TRIB2: variants seen among roughly 807,000 people sequenced by gnomAD.
The protein encoded by TRIB2 is tribbles pseudokinase 2.
A neutral mutation model predicts 26.8 loss-of-function variants in TRIB2; 2 were observed. That is an observed-to-expected ratio of 0.07 (90% confidence interval 0.03 to 0.24). The LOEUF is 0.24. TRIB2 is among the 10% of genes least tolerant of loss of function. The pLI is 1.00. For missense variants in TRIB2, 306 were observed against 449.0 expected (o/e 0.68, Z 2.88); for synonymous variants, 189 against 187.3 (o/e 1.01, Z -0.08).
chr2:12,729,112 A>G lies in TRIB2; in HGVS notation c.563+5560A>G, dbSNP rs13023023. Among the ~76,000 whole-genome samples the G allele has an allele frequency of 6.1e-3, 923 of 152,298 alleles. 1 individual carries two copies. The highest frequency in any genetic ancestry group is 9.4e-3 in the Non-Finnish European group (642 of 68,034). On this transcript the variant is annotated intron_variant, in intron 2 of 2. Transcript: ENST00000155926. ...AGAAACCCCTTTATGTACTTGAGGT[A>G]TTGCCAACCTTTGGGGAAGGCTGGC... is the stretch of plus-strand genomic sequence containing the variant.
intron 2 of TRIB2, among the ~76,000 whole-genome samples, chr2:12,728,673 CCG>C: frequency 1.3e-5 from 2 of 152,304 alleles, no homozygotes; most frequent in South Asian, 2.1e-4. Context: ...TTTGTGGAAG[CCG>C]GTCAGTACCC....
chr2:12,719,576 GTTTT>G (rs11431277), intron 1 of TRIB2, among the ~76,000 whole-genome samples: 1 of 138,390 alleles, frequency 7.2e-6, no homozygotes, highest in South Asian at 2.3e-4. Flanking sequence ...TTTGCTGACT[GTTTT>G]TTTTTTTTTT....
rs935170086 is a variant in TRIB2, at chr2:12,732,432, C to T, written c.564-7894C>T. ...TCCAGATTGTGTGGTGTTGTAAGGT[C>T]ACAAGAGGCATATTCTCTCCCTATA... On this transcript the variant is annotated intron_variant, in intron 2 of 2. Coordinates refer to ENST00000155926, the MANE Select transcript of TRIB2 (RefSeq NM_021643.4). This position sits in a 1 kb window ranked among gnomAD's most constrained non-coding sequence, Gnocchi z 4.2. Among the ~76,000 whole-genome samples, 7 of 152,174 alleles carry T rather than the reference C, an allele frequency of 4.6e-5. No individual in the cohort carries two copies. The highest frequency in any genetic ancestry group is 7.3e-5 in the Non-Finnish European group (5 of 68,034).
At chr2:12,725,205 T>G (rs1374055777) in intron 2 of TRIB2, among the ~76,000 whole-genome samples, 1 of 152,218 alleles carries the variant, frequency 6.6e-6, no homozygotes, top group East Asian at 1.9e-4. Flanking sequence ...AGTGTCGTCT[T>G]TGATTGTGTT....
intron 2 of TRIB2, among the ~76,000 whole-genome samples, chr2:12,724,036 C>T (rs1311181460): frequency 6.6e-6 from 1 of 152,132 alleles, no homozygotes; most frequent in Non-Finnish European, 1.5e-5. Context: ...GCCAACGGAC[C>T]TATAAAGGAA....
chr2:12,717,133 G>A lies in TRIB2; in HGVS notation c.-1175G>A, dbSNP rs1227807644. The A allele has an allele frequency of 2.7e-6, 1 of 374,222 alleles. No homozygotes were observed. The highest frequency in any genetic ancestry group is 1.5e-4 in the South Asian group (1 of 6,816). 23.2% of individuals were successfully genotyped at this position (374,222 alleles called of 1,614,324 possible). ...TACACGGTCCCCTCTTTTCTCTGGG[G>A]GGGGCAAGCAAGAAATCAAAGAAGG... is the stretch of plus-strand genomic sequence containing the variant. On this transcript the variant is annotated 5_prime_UTR_variant, in exon 1 of 3. Transcript: ENST00000155926. The surrounding 1 kb of genome is among the most constrained non-coding windows in gnomAD (Gnocchi z 4.8).
Position 12,740,024 on chromosome 2 carries a change from GTGA to G in TRIB2, c.564-293_564-291del, listed in dbSNP as rs1252891094. On this transcript the variant is annotated intron_variant, in intron 2 of 2. Coordinates refer to ENST00000155926, the MANE Select transcript of TRIB2 (RefSeq NM_021643.4). This position sits in a 1 kb window ranked among gnomAD's most constrained non-coding sequence, Gnocchi z 5.8. ...AATCTCTTGTTCCCTCATCGCAGGG[GTGA>G]TGATGATGTGATTCATGGTTCGCTA... is the stretch of plus-strand genomic sequence containing the variant. Among the ~76,000 whole-genome samples the G allele has an allele frequency of 6.6e-6, 1 of 152,188 alleles. No individual in the cohort carries two copies. Among genetic ancestry groups the G allele is most frequent in the Non-Finnish European group, 1.5e-5 (1 of 68,038 alleles).
intron 2 of TRIB2, among the ~76,000 whole-genome samples, chr2:12,733,487 G>A (rs1256826318): frequency 1.3e-5 from 2 of 152,182 alleles, no homozygotes; most frequent in African/African-American, 4.8e-5. Flanking sequence ...CAGTTTCTCT[G>A]TGTATGGCCT....
At position 12,718,203 on chromosome 2, in the gene TRIB2, C is replaced by T; in HGVS notation, c.-105C>T. On this transcript the variant is annotated 5_prime_UTR_variant, in exon 1 of 3. Transcript: ENST00000155926. This position sits in a 1 kb window ranked among gnomAD's most constrained non-coding sequence, Gnocchi z 4.0. ...CCCTCTTCTGTCCCCTCCCCTCTCGCTCCCTTTTAAAATCAGTGGCACCGA... is the reference window on the plus strand; with the variant it reads ...CCCTCTTCTGTCCCCTCCCCTCTCGTTCCCTTTTAAAATCAGTGGCACCGA... 1.4e-6 allele frequency: 2 copies of T among 1,436,268 alleles called. No individual in the cohort carries two copies. The highest frequency in any genetic ancestry group is 2.5e-4 in the Middle Eastern group (1 of 4,034). The allele number at this position is 1,436,268 out of a possible 1,614,324, so 89.0% of individuals were successfully genotyped here. A position where few individuals can be genotyped will look rare whatever the true frequency, so the allele number is the denominator to read the frequency against.
intron 2 of TRIB2, among the ~76,000 whole-genome samples, chr2:12,733,112 A>G (rs1661491900): frequency 6.6e-6 from 1 of 151,778 alleles, no homozygotes; most frequent in South Asian, 2.1e-4. Context: ...GATCTTGTGG[A>G]TTGAGCACTA....
intron 2 of TRIB2, among the ~76,000 whole-genome samples, chr2:12,726,858 G>A (rs1424693554): frequency 6.6e-6 from 1 of 152,220 alleles, no homozygotes; most frequent in Non-Finnish European, 1.5e-5. Flanking sequence ...TGCAGAAGAA[G>A]ACCTGCCTAT....
intron 1 of TRIB2, among the ~76,000 whole-genome samples, chr2:12,721,004 C>T (rs1457935805): frequency 6.6e-6 from 1 of 152,124 alleles, no homozygotes; most frequent in Non-Finnish European, 1.5e-5. Flanking sequence ...ATAACCAAGG[C>T]TCCAAATTAA....
rs1661715305 is a variant in TRIB2, at chr2:12,741,695, G to A, written c.*901G>A. The A allele has an allele frequency of 6.6e-6, 1 of 152,458 alleles. No homozygotes were observed. Among genetic ancestry groups the A allele is most frequent in the Non-Finnish European group, 1.5e-5 (1 of 68,050 alleles). 9.4% of individuals were successfully genotyped at this position (152,458 alleles called of 1,614,324 possible). On this transcript the variant is annotated 3_prime_UTR_variant, in exon 3 of 3. Coordinates refer to ENST00000155926, the MANE Select transcript of TRIB2 (RefSeq NM_021643.4). ...TGGCCTGAGATTTTAGCAAGCTCCT[G>A]GAGTCTGATGCTTTTGCAGTACTCT... is the stretch of plus-strand genomic sequence containing the variant.
In TRIB2 at chr2:12,718,277, T is replaced by C; in HGVS notation, c.-31T>C. ...GCGACTCATCTCTCCAGCGGGTTTT[T>C]TTTTGTTTGTCGTGTGCGATCCTCA... On this transcript the variant is annotated 5_prime_UTR_variant, in exon 1 of 3. Coordinates refer to ENST00000155926, the MANE Select transcript of TRIB2 (RefSeq NM_021643.4). This position sits in a 1 kb window ranked among gnomAD's most constrained non-coding sequence, Gnocchi z 4.0. 1.5e-5 allele frequency: 24 copies of C among 1,590,842 alleles called. No individual in the cohort carries two copies. The highest frequency in any genetic ancestry group is 2.1e-5 in the Non-Finnish European group (24 of 1,166,382).
In TRIB2 at chr2:12,723,633, G is replaced by GT. The variant is rs914780800; in HGVS notation, c.563+88dup. 138 of 1,502,436 alleles carry GT rather than the reference G, an allele frequency of 9.2e-5. No homozygotes were observed. The African/African-American group carries it at 1.6e-3, about 17-fold the overall frequency. The allele number at this position is 1,502,436 out of a possible 1,614,324, so 93.1% of individuals were successfully genotyped here. A position where few individuals can be genotyped will look rare whatever the true frequency, so the allele number is the denominator to read the frequency against. ...CTTCCTAGAAAAGTCTTGAATGGACGTTTTTTTGCCGTCTGTGGTCCAGAT... is the reference window on the plus strand; with the variant it reads ...CTTCCTAGAAAAGTCTTGAATGGACGTTTTTTTTGCCGTCTGTGGTCCAGAT... On this transcript the variant is annotated intron_variant, in intron 2 of 2. Coordinates refer to ENST00000155926, the MANE Select transcript of TRIB2 (RefSeq NM_021643.4).
intron 2 of TRIB2, among the ~76,000 whole-genome samples, chr2:12,733,075 C>A (rs1322195782): frequency 1.3e-5 from 2 of 151,936 alleles, no homozygotes; most frequent in Non-Finnish European, 2.9e-5. Flanking sequence ...GAAAATACGG[C>A]ATGATTTGCT....
chr2:12,734,021 C>T (rs1262712161), intron 2 of TRIB2, among the ~76,000 whole-genome samples: 4 of 151,886 alleles, frequency 2.6e-5, no homozygotes, highest in African/African-American at 4.8e-5. Context: ...TGGGCTGGGC[C>T]GTCATTGAGT....
chr2:12,723,840 C>T (rs1382432567), intron 2 of TRIB2, among the ~76,000 whole-genome samples: 1 of 152,180 alleles, frequency 6.6e-6, no homozygotes, highest in Non-Finnish European at 1.5e-5. Context: ...TGGCTGCAAA[C>T]CTCTTTGACA....
chr2:12,718,085 CT>C lies in TRIB2; in HGVS notation c.-222del, dbSNP rs111282515. On this transcript the variant is annotated 5_prime_UTR_variant, in exon 1 of 3. Transcript: ENST00000155926. This position sits in a 1 kb window ranked among gnomAD's most constrained non-coding sequence, Gnocchi z 4.0. ...GGGGTAACAAAAAGACCCGAGTTGC[CT>C]GCCGACCGAGGACCCCCGGGAGCCG... 2 of 606,032 alleles carry C rather than the reference CT, an allele frequency of 3.3e-6. No individual in the cohort carries two copies. The highest frequency in any genetic ancestry group is 1.8e-5 in the African/African-American group (1 of 54,208). The allele number at this position is 606,032 out of a possible 1,614,324, so 37.5% of individuals were successfully genotyped here.
Sources: gnomAD v4.1 joint callset for allele counts (sites outside exome capture counted in the v4.1 genomes callset) on GRCh38, gnomAD v4.1.1 for gene constraint, Gnocchi (gnomAD v3.1) non-coding constraint, MANE v1.5 for transcripts, NCBI Gene and HGNC (gene_info 2026-07-23, HGNC 2026-07-21) for gene names.